Variants in C5orf47 observed in about 807,000 individuals in gnomAD.
C5orf47 encodes the protein chromosome 5 open reading frame 47.
A neutral mutation model predicts 20.6 loss-of-function variants in C5orf47; 20 were observed. That is an observed-to-expected ratio of 0.97 (90% CI 0.68 to 1.41). C5orf47 has a LOEUF of 1.41. Ranked by LOEUF, C5orf47 falls within the 40% of genes most tolerant of loss-of-function variation. C5orf47 has a pLI of 0.00. For missense variants in C5orf47, 262 were observed against 238.4 expected, an observed-to-expected ratio of 1.10 and a Z score of -0.65; for synonymous variants, 106 against 97.3, an observed-to-expected ratio of 1.09 and a Z score of -0.53.
intron 1 of C5orf47, among the ~76,000 whole-genome samples, chr5:173,993,617 C>T (rs1561646831): frequency 6.6e-6 from 1 of 151,992 alleles, no homozygotes; most frequent in Non-Finnish European, 1.5e-5. Context: ...GCACTCCAGC[C>T]TGGGTGACAA....
At chr5:173,991,676 G>A (rs1374756742) in intron 1 of C5orf47, among the ~76,000 whole-genome samples, 1 of 151,878 alleles carries the variant, frequency 6.6e-6, no homozygotes, top group African/African-American at 2.4e-5. Context: ...ACTTGGTTTT[G>A]GTGTGTAATT....
Position 174,005,775 on chromosome 5 carries a change from T to G in C5orf47, c.*1521T>G, listed in dbSNP as rs1759281366. ...CAATGTATGTTTATATTTATGTGAC[T>G]TATACAACTTGACATAGTAGTCTGT... On this transcript the variant is annotated 3_prime_UTR_variant, in exon 5 of 5. Transcript: ENST00000340147. The G allele has an allele frequency of 6.6e-6, 1 of 152,362 alleles. No homozygotes were observed. Among genetic ancestry groups the G allele is most frequent in the Non-Finnish European group, 1.5e-5 (1 of 68,036 alleles). The allele number at this position is 152,362 out of a possible 1,614,324, so 9.4% of individuals were successfully genotyped here.
At chr5:173,999,367 A>G (rs1317008914) in intron 2 of C5orf47, among the ~76,000 whole-genome samples, 2 of 152,218 alleles carry the variant, frequency 1.3e-5, no homozygotes, top group Admixed American at 1.3e-4. Context: ...ATATAAATTC[A>G]CAATTTTTTA....
At chr5:173,999,863 G>T (rs1759164909) in intron 3 of C5orf47, 64 bp downstream of exon 3, 3 of 801,370 alleles carry the variant, frequency 3.7e-6, no homozygotes, top group Non-Finnish European at 6.0e-6. Context: ...AGTTATCCTG[G>T]GATTGCATGA....
chr5:173,989,331 C>G lies in C5orf47; in HGVS notation c.68C>G (p.Ser23Trp). ...TTCGTCTATGTGACGCGCTTCGGCT[C>G]GCATCAGTGCAGTGGCGTCCTGCAA... is the stretch of plus-strand genomic sequence containing the variant. ...ARFVYVTRFG[S>W]HQCSGVLQLG... is the part of the protein sequence containing the mutation. The change falls in exon 1 of 5, where the codon TCG becomes TGG. Residue 23 changes from serine (S) to tryptophan (W), a missense_variant. Ser to Trp is a radical substitution (Grantham distance 177). Transcript: ENST00000340147. 7.0e-7 allele frequency: 1 copy of G among 1,430,738 alleles called. No individual in the cohort carries two copies. The highest frequency in any genetic ancestry group is 1.5e-5 in the South Asian group (1 of 67,284). 88.6% of individuals were successfully genotyped at this position (1,430,738 alleles called of 1,614,324 possible). A position where few individuals can be genotyped will look rare whatever the true frequency, so the allele number is the denominator to read the frequency against.
At position 173,989,538 on chromosome 5, in the gene C5orf47, A is replaced by G. The variant is rs1272087798; in HGVS notation, c.275A>G (p.Gln92Arg). ...GAGGCTGCGGCCTCTGCCTCCTCCC[A>G]GCTGCGGGCATCGAGAGTTCAGAGC... ...GVEAAASASS[Q>R]LRASRVQSGT... is the part of the protein sequence containing the mutation. Residue 92 changes from glutamine (Q) to arginine (R), a missense_variant, in exon 1 of 5, where the codon CAG becomes CGG. Transcript: ENST00000340147. The G allele has an allele frequency of 1.3e-6, 2 of 1,523,040 alleles. No individual in the cohort carries two copies. Among genetic ancestry groups the G allele is most frequent in the Admixed American group, 2.1e-5 (1 of 48,252 alleles). The allele number at this position is 1,523,040 out of a possible 1,614,324, so 94.3% of individuals were successfully genotyped here.
rs534896300 is a variant in C5orf47 at position 173,990,279 on chromosome 5, C to CT, written c.325+698dup. On this transcript the variant is annotated intron_variant, in intron 1 of 4. Coordinates refer to ENST00000340147, the MANE Select transcript of C5orf47 (RefSeq NM_001144954.2). The stretch of plus-strand genomic sequence containing the variant: ...AGGTGGGCACCTCCATGCCCAGCTA[C>CT]TTTTTTTATCTTTTGTAGACATGGG... Among the ~76,000 whole-genome samples the CT allele has an allele frequency of 1.8e-3, 68 of 38,400 alleles. No individual in the cohort carries two copies. The Middle Eastern group carries it at 0.052, about 29-fold the overall frequency. 25.2% of individuals were successfully genotyped at this position (38,400 alleles called of 152,430 possible).
chr5:174,009,029 A>C (rs992379102), downstream of C5orf47, among the ~76,000 whole-genome samples: 1 of 152,110 alleles, frequency 6.6e-6, no homozygotes, highest in African/African-American at 2.4e-5. Context: ...TGGACTGAAG[A>C]CTGAGCAGGA....
At chr5:173,994,194 C>G (rs1228210242) in intron 1 of C5orf47, among the ~76,000 whole-genome samples, 1 of 152,160 alleles carries the variant, frequency 6.6e-6, no homozygotes, top group African/African-American at 2.4e-5. Context: ...AGAATGCAGA[C>G]CTTACTGTTG....
chr5:174,000,286 A>G (rs943833438), intron 3 of C5orf47, among the ~76,000 whole-genome samples: 1 of 152,148 alleles, frequency 6.6e-6, no homozygotes, highest in African/African-American at 2.4e-5. Flanking sequence ...TCATTCCTGG[A>G]AAACAACTCA....
In C5orf47 at chr5:173,993,056, A is replaced by AT. The variant is rs569255212; in HGVS notation, c.325+3476dup. On this transcript the variant is annotated intron_variant, in intron 1 of 4. Transcript: ENST00000340147. Reference sequence around the variant, plus strand: ...GATTTGCCTAGTTATTTATTTATTTATTTTTTTTACTATTTTCAGATTTAG... The same window carrying AT: ...GATTTGCCTAGTTATTTATTTATTTATTTTTTTTTACTATTTTCAGATTTAG... Among the ~76,000 whole-genome samples, 1,044 of 151,478 alleles carry AT rather than the reference A, an allele frequency of 6.9e-3. 11 individuals carry two copies. Among genetic ancestry groups the AT allele is most frequent in the African/African-American group, 0.024 (975 of 41,230 alleles).
chr5:174,007,853 C>A (rs1365917632), downstream of C5orf47, among the ~76,000 whole-genome samples: 1 of 152,122 alleles, frequency 6.6e-6, no homozygotes, highest in African/African-American at 2.4e-5. Context: ...AGCTACCACG[C>A]CCAGTCCTCT....
At chr5:174,007,195 C>A (rs6866700), downstream of C5orf47, among the ~76,000 whole-genome samples, 1 of 151,804 alleles carries the variant, frequency 6.6e-6, no homozygotes. Context: ...GTTATCACAA[C>A]GAGGAAGGAC....
intron 1 of C5orf47, among the ~76,000 whole-genome samples, chr5:173,995,316 A>G (rs969427853): frequency 1.3e-5 from 2 of 152,200 alleles, no homozygotes; most frequent in African/African-American, 2.4e-5. Flanking sequence ...ACTAGTAGAT[A>G]TGAGTGTTGT....
intron 4 of C5orf47, among the ~76,000 whole-genome samples, chr5:174,003,668 A>G (rs1443925946): frequency 6.6e-6 from 1 of 152,166 alleles, no homozygotes; most frequent in Non-Finnish European, 1.5e-5. Context: ...ACGGAGTATC[A>G]GGCAATGTCG....
chr5:174,003,744 G>A (rs945860258), intron 4 of C5orf47, among the ~76,000 whole-genome samples: 1 of 152,196 alleles, frequency 6.6e-6, no homozygotes, highest in South Asian at 2.1e-4. Flanking sequence ...AGTAATGAGA[G>A]AGATGATTGT....
rs746684761 is a variant in C5orf47 at position 173,989,291 on chromosome 5, C to T, written c.28C>T (p.Gln10Ter). MAAAGRGRE[Q>*]DSARFVYVTR... ...GGCGGCGGCAGGCCGGGGTCGGGAG[C>T]AGGACTCGGCGCGCTTCGTCTATGT... Residue 10 changes from glutamine to a stop codon, truncating the protein, a stop_gained, in exon 1 of 5, where the codon CAG becomes TAG. Coordinates refer to ENST00000340147, the MANE Select transcript of C5orf47 (RefSeq NM_001144954.2). LOFTEE classifies it high-confidence loss of function. 4.8e-4 allele frequency: 668 copies of T among 1,394,348 alleles called. No homozygotes were observed. Among genetic ancestry groups the T allele is most frequent in the Non-Finnish European group, 6.0e-4 (641 of 1,069,716 alleles). The allele number at this position is 1,394,348 out of a possible 1,614,324, so 86.4% of individuals were successfully genotyped here. A position where few individuals can be genotyped will look rare whatever the true frequency, so the allele number is the denominator to read the frequency against.
At chr5:173,990,622 G>C (rs1319376256) in intron 1 of C5orf47, among the ~76,000 whole-genome samples, 1 of 152,096 alleles carries the variant, frequency 6.6e-6, no homozygotes, top group Admixed American at 6.5e-5. Flanking sequence ...ATTTTTAGTA[G>C]GGATGGGGTT....
At chr5:173,994,947 G>T (rs1052424389) in intron 1 of C5orf47, among the ~76,000 whole-genome samples, 10 of 152,074 alleles carry the variant, frequency 6.6e-5, no homozygotes, top group Admixed American at 2.0e-4. Flanking sequence ...CCAAGTAGCT[G>T]GGACCACAGG....
Sources: gnomAD v4.1 joint callset for allele counts (sites outside exome capture counted in the v4.1 genomes callset) on GRCh38, gnomAD v4.1.1 for gene constraint, MANE v1.5 for transcripts, NCBI Gene and HGNC (gene_info 2026-07-23, HGNC 2026-07-21) for gene names.